GRM8: variants seen among roughly 807,000 people sequenced by gnomAD.
GRM8 encodes the protein glutamate metabotropic receptor 8.
Under a neutral mutation model 87.2 loss-of-function variants are expected in GRM8, and 47 were observed. The ratio of observed to expected loss-of-function variants is 0.54; its 90% CI spans 0.43 to 0.69. The LOEUF (loss-of-function observed/expected upper bound fraction) is 0.69. Among genes scored for constraint, GRM8 ranks in the 30% least tolerant of loss-of-function variants. The pLI is 0.00. For missense variants in GRM8, 1,019 were observed against 1,139.2 expected (o/e 0.89, Z 1.52); for synonymous variants, 396 against 404.5 (o/e 0.98, Z 0.25).
At chr7:126,660,330 G>A (rs142903337) in intron 7 of GRM8, among the ~76,000 whole-genome samples, 1 of 152,202 alleles carries the variant, frequency 6.6e-6, no homozygotes, top group East Asian at 1.9e-4. Flanking sequence ...GTTAAAAGTA[G>A]TAAACTGGAT....
At chr7:126,763,442 C>CATATATATATATAT (rs750564318) in intron 7 of GRM8, among the ~76,000 whole-genome samples, 7 of 119,898 alleles carry the variant, frequency 5.8e-5, no homozygotes, top group African/African-American at 2.1e-4. Flanking sequence ...ATGATAAATT[C>CATATATATATATAT]ATATATATAT....
chr7:126,806,443 C>T (rs1388648578), intron 6 of GRM8, among the ~76,000 whole-genome samples: 2 of 152,202 alleles, frequency 1.3e-5, no homozygotes, highest in African/African-American at 4.8e-5. Flanking sequence ...AGAAGAGGAC[C>T]CGAGTGCATT....
chr7:127,105,212 C>T (rs912527060), intron 3 of GRM8: 1 of 152,040 alleles, frequency 6.6e-6, no homozygotes, highest in Admixed American at 6.6e-5. Flanking sequence ...AATTTAAAGA[C>T]CAATTGAATG....
At chr7:126,471,141 G>A (rs1805162183) in intron 9 of GRM8, among the ~76,000 whole-genome samples, 1 of 151,790 alleles carries the variant, frequency 6.6e-6, no homozygotes, top group African/African-American at 2.4e-5. Flanking sequence ...TTTGTGGGTT[G>A]CCTGTTCACT....
chr7:127,132,647 A>G (rs746750153), intron 2 of GRM8, among the ~76,000 whole-genome samples: 3 of 152,138 alleles, frequency 2.0e-5, no homozygotes, highest in African/African-American at 4.8e-5. Flanking sequence ...CTTTCTGAGA[A>G]CATGGCATTT....
intron 7 of GRM8, among the ~76,000 whole-genome samples, chr7:126,721,503 C>G (rs1356309852): frequency 1.3e-5 from 2 of 152,128 alleles, no homozygotes; most frequent in African/African-American, 4.8e-5. Context: ...GCCCACAACA[C>G]TTATTGTGAA....
chr7:127,152,311 C>A (rs1218439383), intron 2 of GRM8, among the ~76,000 whole-genome samples: 1 of 152,032 alleles, frequency 6.6e-6, no homozygotes, highest in Admixed American at 6.6e-5. Flanking sequence ...AGGTAAAGCA[C>A]TTGGCACAAT....
chr7:127,223,479 ACAC>A (rs1797096804), intron 2 of GRM8, among the ~76,000 whole-genome samples: 1 of 129,118 alleles, frequency 7.7e-6, no homozygotes. Flanking sequence ...ACACACACAC[ACAC>A]ACACAAAACT....
chr7:127,090,693 T>G (rs775677764), intron 3 of GRM8, among the ~76,000 whole-genome samples: 1 of 146,200 alleles, frequency 6.8e-6, no homozygotes, highest in Non-Finnish European at 1.5e-5. Flanking sequence ...CTCTCCTTCC[T>G]TCCCATGTGC....
intron 3 of GRM8, among the ~76,000 whole-genome samples, chr7:127,015,064 G>GAAGAAGAAGAAGAAGAAGAAAGA (rs1554568485): frequency 1.1e-5 from 1 of 87,838 alleles, no homozygotes; most frequent in African/African-American, 3.7e-5. Context: ...AGAAGAAGAA[G>GAAGAAGAAGAAGAAGAAGAAAGA]AAGAAAGAAA....
At chr7:126,907,471 T>TC (rs1802837005) in intron 3 of GRM8, among the ~76,000 whole-genome samples, 3 of 151,948 alleles carry the variant, frequency 2.0e-5, no homozygotes, top group Non-Finnish European at 4.4e-5. Context: ...AAAGCCACCC[T>TC]AAAGTTGTGT....
chr7:126,682,921 C>G (rs1376576194), intron 7 of GRM8, among the ~76,000 whole-genome samples: 4 of 152,126 alleles, frequency 2.6e-5, no homozygotes, highest in African/African-American at 9.7e-5. Context: ...TAGTGGCACG[C>G]CCCTGTAGTC....
intron 3 of GRM8, among the ~76,000 whole-genome samples, chr7:127,083,208 T>G (rs1032795617): frequency 1.3e-5 from 2 of 152,238 alleles, no homozygotes; most frequent in Non-Finnish European, 2.9e-5. Context: ...CATTTCTTTT[T>G]GTTTTCCTCA....
intron 3 of GRM8, among the ~76,000 whole-genome samples, chr7:126,964,773 C>A (rs1436219297): frequency 1.3e-5 from 2 of 152,050 alleles, no homozygotes; most frequent in African/African-American, 4.8e-5. Flanking sequence ...GATCTAGAAC[C>A]AGAAATATCA....
At chr7:127,185,275 A>C (rs1008906301) in intron 2 of GRM8, among the ~76,000 whole-genome samples, 3 of 152,118 alleles carry the variant, frequency 2.0e-5, no homozygotes, top group Non-Finnish European at 4.4e-5. Flanking sequence ...TACTAGATAA[A>C]TGGAACAGAA....
At chr7:126,789,571 T>C (rs1223931986) in intron 6 of GRM8, among the ~76,000 whole-genome samples, 1 of 152,090 alleles carries the variant, frequency 6.6e-6, no homozygotes, top group Non-Finnish European at 1.5e-5. Flanking sequence ...CCATAGAGCA[T>C]GACAAATAAC....
At chr7:127,207,210 T>C (rs1795963150) in intron 2 of GRM8, among the ~76,000 whole-genome samples, 1 of 152,232 alleles carries the variant, frequency 6.6e-6, no homozygotes, top group Admixed American at 6.5e-5. Flanking sequence ...ATTAAATTGC[T>C]GATTATGTTC....
chr7:126,584,874 TTTACATGTTTATTAAAACAATGGTAA>T, intron 8 of GRM8, among the ~76,000 whole-genome samples: 1 of 152,198 alleles, frequency 6.6e-6, no homozygotes, highest in Non-Finnish European at 1.5e-5. Context: ...TTGAATAATT[TTTACATGTTTATTAAAACAATGGTAA>T]GCAAAATAAG....
intron 3 of GRM8, among the ~76,000 whole-genome samples, chr7:126,995,740 A>G (rs1813118983): frequency 6.6e-6 from 1 of 152,154 alleles, no homozygotes; most frequent in South Asian, 2.1e-4. Flanking sequence ...AAAAGGGCAA[A>G]TCTAAGAGTT....
Sources: gnomAD v4.1 joint callset for allele counts (sites outside exome capture counted in the v4.1 genomes callset) on GRCh38, gnomAD v4.1.1 for gene constraint, MANE v1.5 for transcripts, NCBI Gene and HGNC (gene_info 2026-07-23, HGNC 2026-07-21) for gene names.